Variants in CAP2 observed in about 807,000 individuals in gnomAD.
CAP2 encodes cyclase associated actin cytoskeleton regulatory protein 2.
A neutral mutation model predicts 57.7 loss-of-function variants in CAP2; 24 were observed. The observed-to-expected ratio is 0.42, with a 90% CI of 0.30 to 0.58. The LOEUF (loss-of-function observed/expected upper bound fraction) is 0.58, where lower values mean the gene tolerates loss of function less well. Ranked by LOEUF, CAP2 falls within the 20% of genes least tolerant of loss-of-function variation. The probability of loss-of-function intolerance (pLI) is 0.22; values close to 1 mark genes in which losing one functional copy is unlikely to be tolerated. For synonymous variants in CAP2, 194 were observed against 207.2 expected (o/e 0.94, Z 0.55); for missense variants, 501 against 590.3 (o/e 0.85, Z 1.57).
intron 2 of CAP2, among the ~76,000 whole-genome samples, chr6:17,425,307 C>A (rs888361677): frequency 2.0e-5 from 3 of 152,186 alleles, no homozygotes; most frequent in Non-Finnish European, 4.4e-5. Flanking sequence ...ATGCAGAGCA[C>A]ACCTGTTGGG....
chr6:17,461,526 C>T (rs986361880), intron 3 of CAP2, among the ~76,000 whole-genome samples: 11 of 151,940 alleles, frequency 7.2e-5, no homozygotes, highest in African/African-American at 2.7e-4. Context: ...CATGCCTTGC[C>T]TAATCTTTGA....
At chr6:17,530,190 A>G (rs1762609340) in intron 7 of CAP2, among the ~76,000 whole-genome samples, 2 of 152,158 alleles carry the variant, frequency 1.3e-5, no homozygotes, top group East Asian at 1.9e-4. Flanking sequence ...CTCCCACCTC[A>G]GCCTCCCAGC....
At chr6:17,521,447 CAAAG>C (rs1358267623) in intron 7 of CAP2, among the ~76,000 whole-genome samples, 1 of 152,006 alleles carries the variant, frequency 6.6e-6, no homozygotes, top group Admixed American at 6.6e-5. Context: ...CATCAACTAA[CAAAG>C]AAGCCTCAAA....
chr6:17,438,882 G>A (rs1177592939), intron 3 of CAP2, among the ~76,000 whole-genome samples: 1 of 150,716 alleles, frequency 6.6e-6, no homozygotes. Flanking sequence ...GGAGGCCAAG[G>A]TGGGCAGATG....
chr6:17,514,749 A>T (rs1233323560), intron 7 of CAP2, among the ~76,000 whole-genome samples: 1 of 152,220 alleles, frequency 6.6e-6, no homozygotes, highest in African/African-American at 2.4e-5. Flanking sequence ...ACTTCATCTC[A>T]AACAAACAGC....
chr6:17,539,410 C>T lies in CAP2; in HGVS notation c.778C>T (p.Arg260Cys), dbSNP rs760910884. The change falls in exon 8 of 13, where the codon CGC becomes TGC. Residue 260 changes from arginine to cysteine, a missense_variant. Transcript: ENST00000229922. Reference sequence around the variant, plus strand: ...CAAAAAAGAGGAATCTTCTCCTTCACGCTCAGCTTTATTTGCCCAACTTAA... The same window carrying T: ...CAAAAAAGAGGAATCTTCTCCTTCATGCTCAGCTTTATTTGCCCAACTTAA... ...EGKKEESSPSRSALFAQLNQG... is the reference protein window; with the variant it reads ...EGKKEESSPSCSALFAQLNQG... The T allele has an allele frequency of 5.0e-5, 80 of 1,614,070 alleles. No homozygotes were observed. The highest frequency in any genetic ancestry group is 6.6e-5 in the South Asian group (6 of 91,086).
Position 17,513,059 on chromosome 6 carries a change from TAA to T in CAP2, c.531-786_531-785del, listed in dbSNP as rs1327261363. 6.6e-6 allele frequency among the ~76,000 whole-genome samples: 1 copy of T among 152,194 alleles called. No individual in the cohort carries two copies. The highest frequency in any genetic ancestry group is 1.9e-4 in the East Asian group (1 of 5,200). On this transcript the variant is annotated intron_variant, in intron 6 of 12. Coordinates refer to ENST00000229922, the MANE Select transcript of CAP2 (RefSeq NM_006366.3). This position sits in a 1 kb window ranked among gnomAD's most constrained non-coding sequence, Gnocchi z 4.3. The stretch of plus-strand genomic sequence containing the variant: ...TAAGTGAGAAAAAATATATTATAGG[TAA>T]AAATTGCCGAAAGGAAATGCAACTA...
At chr6:17,506,746 A>G (rs1164155604) in intron 4 of CAP2, among the ~76,000 whole-genome samples, 1 of 152,122 alleles carries the variant, frequency 6.6e-6, no homozygotes, top group Non-Finnish European at 1.5e-5. Context: ...AGCATTTTCC[A>G]CAGGAATAGG....
At chr6:17,554,139 C>T (rs1302285922) in intron 12 of CAP2, among the ~76,000 whole-genome samples, 1 of 152,186 alleles carries the variant, frequency 6.6e-6, no homozygotes, top group East Asian at 1.9e-4. Context: ...CAGGGTCTTG[C>T]TCTGTTGACC....
At chr6:17,520,989 A>T (rs1012171277) in intron 7 of CAP2, among the ~76,000 whole-genome samples, 5 of 152,202 alleles carry the variant, frequency 3.3e-5, no homozygotes, top group African/African-American at 4.8e-5. Context: ...GGCCCTGGCC[A>T]GTGTACCTGA....
In CAP2 at chr6:17,542,934, A is replaced by G; in HGVS notation, c.1100A>G (p.Lys367Arg). Reference protein sequence around the residue: ...FKCEKSTIQIKGKVNSIIIDN... With the variant: ...FKCEKSTIQIRGKVNSIIIDN... The stretch of plus-strand genomic sequence containing the variant: ...TGCGAAAAATCAACTATTCAGATAA[A>G]AGGGAAAGTAAACTCCATTATAATT... The change falls in exon 10 of 13, where the codon AAA becomes AGA. Residue 367 changes from lysine to arginine, a missense_variant. Lys to Arg is a conservative substitution (Grantham distance 26). Coordinates refer to ENST00000229922, the MANE Select transcript of CAP2 (RefSeq NM_006366.3). 6.2e-7 allele frequency: 1 copy of G among 1,613,862 alleles called. No individual in the cohort carries two copies. The highest frequency in any genetic ancestry group is 1.1e-5 in the South Asian group (1 of 91,058).
At chr6:17,469,038 C>T (rs913149903) in intron 4 of CAP2, among the ~76,000 whole-genome samples, 1 of 152,250 alleles carries the variant, frequency 6.6e-6, no homozygotes, top group Non-Finnish European at 1.5e-5. Context: ...GGCCACCTCA[C>T]CTCACCTCAC....
chr6:17,466,631 G>A (rs1760871424), intron 4 of CAP2, among the ~76,000 whole-genome samples: 1 of 152,158 alleles, frequency 6.6e-6, no homozygotes, highest in African/African-American at 2.4e-5. Flanking sequence ...TCTCAAGTGG[G>A]GTGCAAGAGT....
chr6:17,396,447 A>T (rs1434459179), intron 1 of CAP2, among the ~76,000 whole-genome samples: 1 of 152,242 alleles, frequency 6.6e-6, no homozygotes, highest in African/African-American at 2.4e-5. Flanking sequence ...ATATCCATAC[A>T]GCGAGATATT....
chr6:17,443,594 C>CACACAT (rs1554123103), intron 3 of CAP2, among the ~76,000 whole-genome samples: 169 of 151,584 alleles, frequency 1.1e-3, no homozygotes, highest in African/African-American at 3.9e-3. Flanking sequence ...CACACACACA[C>CACACAT]GTGCGCACGT....
chr6:17,480,764 G>GT (rs1475838553), intron 4 of CAP2, among the ~76,000 whole-genome samples: 1 of 144,766 alleles, frequency 6.9e-6, no homozygotes, highest in South Asian at 2.2e-4. Flanking sequence ...GCTAAATGTG[G>GT]TTTTTTTGGT....
chr6:17,519,645 C>G (rs556443335), intron 7 of CAP2, among the ~76,000 whole-genome samples: 96 of 152,300 alleles, frequency 6.3e-4, no homozygotes, highest in African/African-American at 2.2e-3. Context: ...ATTAGCAGCA[C>G]TGTTACTTAG....
chr6:17,405,080 G>A (rs941268552), intron 1 of CAP2, among the ~76,000 whole-genome samples: 8 of 152,156 alleles, frequency 5.3e-5, no homozygotes, highest in Non-Finnish European at 8.8e-5. Flanking sequence ...CATAGCTACC[G>A]TGATAAAGTT....
At chr6:17,505,417 A>G (rs1761953836) in intron 4 of CAP2, among the ~76,000 whole-genome samples, 1 of 152,172 alleles carries the variant, frequency 6.6e-6, no homozygotes, top group African/African-American at 2.4e-5. Flanking sequence ...TGCAGCAATG[A>G]TTGAAATCAC....
Sources: allele counts gnomAD v4.1 joint callset (sites outside exome capture counted in the v4.1 genomes callset), GRCh38; gene constraint gnomAD v4.1.1; non-coding constraint Gnocchi (gnomAD v3.1); transcripts MANE v1.5; gene names NCBI Gene and HGNC (gene_info 2026-07-23, HGNC 2026-07-21).